IFT88: variants seen among roughly 807,000 people sequenced by gnomAD.
The protein encoded by IFT88 is intraflagellar transport protein 88 homolog.
In IFT88, 74 loss-of-function variants were observed where a neutral mutation model predicts 119.5. That is an observed-to-expected ratio of 0.62 (90% CI 0.51 to 0.75). The LOEUF (loss-of-function observed/expected upper bound fraction) is 0.75. Ranked by LOEUF, IFT88 falls within the 30% of genes least tolerant of loss-of-function variation. The probability of loss-of-function intolerance (pLI) is 0.00; values close to 1 mark genes in which losing one functional copy is unlikely to be tolerated. For synonymous variants in IFT88, 279 were observed against 316.7 expected (o/e 0.88, Z 1.26); for missense variants, 961 against 977.7 (o/e 0.98, Z 0.23).
At chr13:20,617,358 G>GC (rs998132444) in intron 14 of IFT88, among the ~76,000 whole-genome samples, 29 of 152,020 alleles carry the variant, frequency 1.9e-4, no homozygotes, top group Middle Eastern at 3.2e-3. Context: ...ACTTTAGTTG[G>GC]CCCCCACACG....
At chr13:20,645,553 G>C (rs1294293406) in intron 20 of IFT88, among the ~76,000 whole-genome samples, 1 of 151,874 alleles carries the variant, frequency 6.6e-6, no homozygotes, top group African/African-American at 2.4e-5. Context: ...TTATCAATCA[G>C]AAAATGACTT....
chr13:20,582,442 C>T (rs549254565), intron 2 of IFT88, among the ~76,000 whole-genome samples: 1 of 152,264 alleles, frequency 6.6e-6, no homozygotes, highest in East Asian at 1.9e-4. Flanking sequence ...GCGTCTCAGA[C>T]TTGACCTCTC....
intron 9 of IFT88, among the ~76,000 whole-genome samples, chr13:20,597,654 G>C (rs1228374169): frequency 1.1e-3 from 163 of 151,848 alleles, no homozygotes; most frequent in Non-Finnish European, 1.6e-3. Context: ...TGGAGCAGGA[G>C]AATGGCGTGA....
intron 3 of IFT88, among the ~76,000 whole-genome samples, chr13:20,585,806 A>G (rs1002151397): frequency 6.6e-6 from 1 of 152,174 alleles, no homozygotes; most frequent in Non-Finnish European, 1.5e-5. Context: ...TCTAAAACCC[A>G]TATTTTATTT....
chr13:20,568,632 G>A (rs2035483571), intron 1 of IFT88, among the ~76,000 whole-genome samples: 1 of 151,976 alleles, frequency 6.6e-6, no homozygotes, highest in African/African-American at 2.4e-5. Flanking sequence ...GCATCACTTG[G>A]GTTTAAGAAC....
chr13:20,649,301 A>G (rs1484159531), intron 20 of IFT88, among the ~76,000 whole-genome samples: 1 of 152,178 alleles, frequency 6.6e-6, no homozygotes. Flanking sequence ...ACTCATACAA[A>G]TTATCTTTTT....
intron 2 of IFT88, among the ~76,000 whole-genome samples, chr13:20,579,995 C>G (rs963318991): frequency 6.6e-6 from 1 of 152,164 alleles, no homozygotes; most frequent in Non-Finnish European, 1.5e-5. Context: ...AACTAGTAAT[C>G]CCATCACTCA....
chr13:20,668,397 TAGAG>T (rs1566427461), intron 23 of IFT88, among the ~76,000 whole-genome samples: 1 of 152,160 alleles, frequency 6.6e-6, no homozygotes, highest in African/African-American at 2.4e-5. Context: ...GGCACATTCT[TAGAG>T]AGTTCTTTGA....
At chr13:20,652,019 A>C (rs1235378636) in intron 20 of IFT88, among the ~76,000 whole-genome samples, 1 of 152,220 alleles carries the variant, frequency 6.6e-6, no homozygotes, top group Non-Finnish European at 1.5e-5. Context: ...AAAATGGGCA[A>C]ATTTGTAGAG....
chr13:20,643,780 G>A (rs552349808), intron 19 of IFT88, among the ~76,000 whole-genome samples, 175 bp downstream of exon 19: 153 of 152,318 alleles, frequency 1.0e-3, no homozygotes, highest in African/African-American at 3.4e-3. Context: ...TTGAGATAGA[G>A]TCTTGCTCTG....
intron 24 of IFT88, among the ~76,000 whole-genome samples, chr13:20,678,811 T>C (rs879589208): frequency 6.6e-6 from 1 of 152,164 alleles, no homozygotes; most frequent in African/African-American, 2.4e-5. Flanking sequence ...CAAAGGCAGC[T>C]TTGTCACGGT....
chr13:20,596,758 G>T (rs934318267), intron 8 of IFT88, among the ~76,000 whole-genome samples: 1 of 152,056 alleles, frequency 6.6e-6, no homozygotes, highest in Non-Finnish European at 1.5e-5. Flanking sequence ...TGAGTTATTG[G>T]ATTAATGAAT....
At chr13:20,590,689 A>G (rs2040514903) in intron 4 of IFT88, among the ~76,000 whole-genome samples, 1 of 152,100 alleles carries the variant, frequency 6.6e-6, no homozygotes, top group Non-Finnish European at 1.5e-5. Context: ...CTACTATCCA[A>G]CTCTGCATTT....
chr13:20,625,638 C>A, intron 14 of IFT88, 112 bp from the exon 15 acceptor site: 1 of 637,614 alleles, frequency 1.6e-6, no homozygotes, highest in Non-Finnish European at 2.7e-6. Flanking sequence ...CTTACCTTTA[C>A]AGAGTACTAG....
At chr13:20,644,375 C>T (rs1594576530) in intron 19 of IFT88, among the ~76,000 whole-genome samples, 1 of 152,086 alleles carries the variant, frequency 6.6e-6, no homozygotes, top group Non-Finnish European at 1.5e-5. Context: ...TTGTGGCATG[C>T]CTGTAATCCT....
At chr13:20,640,308 C>T (rs927100123) in intron 17 of IFT88, among the ~76,000 whole-genome samples, 3 of 151,708 alleles carry the variant, frequency 2.0e-5, no homozygotes, top group Non-Finnish European at 4.4e-5. Context: ...TGTGGTGGCT[C>T]ATGCCTGTAA....
chr13:20,644,829 T>C lies in IFT88; in HGVS notation c.1834-14T>C. ...ATTGAAGTTGTATTGTTACATTCCA[T>C]ATTTGTTTTACAGTCATATAGGTAT... On this transcript the variant is annotated splice_polypyrimidine_tract_variant and intron_variant, in intron 19 of 25. Transcript: ENST00000351808. 1 of 1,113,598 alleles carries C rather than the reference T, an allele frequency of 9.0e-7. No homozygotes were observed. Among genetic ancestry groups the C allele is most frequent in the Non-Finnish European group, 1.4e-6 (1 of 740,708 alleles). 69.0% of individuals were successfully genotyped at this position (1,113,598 alleles called of 1,614,324 possible).
chr13:20,588,542 A>G (rs1244990350), intron 3 of IFT88, among the ~76,000 whole-genome samples: 4 of 152,212 alleles, frequency 2.6e-5, no homozygotes, highest in Admixed American at 6.5e-5. Flanking sequence ...TATGAGAGAC[A>G]CTAGCCACAT....
Position 20,691,363 on chromosome 13 carries a change from A to G in IFT88, c.*188A>G. 1 of 483,666 alleles carries G rather than the reference A, an allele frequency of 2.1e-6. No homozygotes were observed. Among genetic ancestry groups the G allele is most frequent in the Admixed American group, 3.8e-5 (1 of 26,540 alleles). The allele number at this position is 483,666 out of a possible 1,614,324, so 30.0% of individuals were successfully genotyped here. A position where few individuals can be genotyped will look rare whatever the true frequency, so the allele number is the denominator to read the frequency against. ...TTAAGGAATAAAAACAGGTAAAACTAATACTTTAGGCCAGTGACTTCCTTA... is the reference window on the plus strand; with the variant it reads ...TTAAGGAATAAAAACAGGTAAAACTGATACTTTAGGCCAGTGACTTCCTTA... On this transcript the variant is annotated 3_prime_UTR_variant, in exon 26 of 26. Coordinates refer to ENST00000351808, the MANE Select transcript of IFT88 (RefSeq NM_006531.5).
Sources: gnomAD v4.1 joint callset for allele counts (sites outside exome capture counted in the v4.1 genomes callset) on GRCh38, gnomAD v4.1.1 for gene constraint, MANE v1.5 for transcripts, NCBI Gene and HGNC (gene_info 2026-07-23, HGNC 2026-07-21) for gene names.